Variants in CNBD1 observed in about 807,000 individuals in gnomAD.
CNBD1 encodes the protein cyclic nucleotide-binding domain-containing protein 1.
A neutral mutation model predicts 54.4 loss-of-function variants in CNBD1; 71 were observed. The observed-to-expected ratio is 1.30, with a 90% CI of 1.08 to 1.59. The LOEUF (loss-of-function observed/expected upper bound fraction) is 1.59. Ranked by LOEUF, CNBD1 falls within the 40% of genes most tolerant of loss-of-function variation. CNBD1 has a pLI of 0.00. For synonymous variants in CNBD1, 182 were observed against 170.7 expected, an observed-to-expected ratio of 1.07 and a Z score of -0.51; for missense variants, 659 against 518.0, an observed-to-expected ratio of 1.27 and a Z score of -2.64.
chr8:87,374,081 A>T (rs142838855), intron 10 of CNBD1, among the ~76,000 whole-genome samples: 1 of 151,766 alleles, frequency 6.6e-6, no homozygotes, highest in African/African-American at 2.4e-5. Flanking sequence ...AATCCCCTAA[A>T]AAATTCCTTA....
At chr8:86,975,269 T>C (rs1808315222) in intron 4 of CNBD1, among the ~76,000 whole-genome samples, 1 of 152,018 alleles carries the variant, frequency 6.6e-6, no homozygotes, top group Non-Finnish European at 1.5e-5. Flanking sequence ...CCACTCTTTT[T>C]AGCAATTTAA....
chr8:87,399,726 T>C (rs533757928), intron 2 of CNBD1, among the ~76,000 whole-genome samples: 1 of 151,908 alleles, frequency 6.6e-6, no homozygotes, highest in Non-Finnish European at 1.5e-5. Flanking sequence ...TATTTAGCAG[T>C]GGGGCATTAT....
At chr8:87,256,007 A>ATTTTTTTT (rs1808011117) in intron 6 of CNBD1, among the ~76,000 whole-genome samples, 1 of 19,802 alleles carries the variant, frequency 5.0e-5, no homozygotes, top group Non-Finnish European at 8.1e-5. Context: ...ATATATATAT[A>ATTTTTTTT]TATATATATT....
intron 2 of CNBD1, among the ~76,000 whole-genome samples, chr8:87,425,096 C>G (rs1808021554): frequency 6.6e-6 from 1 of 152,130 alleles, no homozygotes; most frequent in Non-Finnish European, 1.5e-5. Flanking sequence ...GATACCCTTT[C>G]TTCCAGTTGA....
At chr8:86,965,660 G>A (rs778971605) in intron 4 of CNBD1, among the ~76,000 whole-genome samples, 1 of 152,100 alleles carries the variant, frequency 6.6e-6, no homozygotes, top group Admixed American at 6.5e-5. Context: ...CGGGATCTTT[G>A]GGGGGTGGAT....
intron 2 of CNBD1, among the ~76,000 whole-genome samples, chr8:87,394,903 G>A (rs905589414): frequency 2.6e-5 from 4 of 151,698 alleles, no homozygotes; most frequent in Admixed American, 1.3e-4. Flanking sequence ...CCAAAATAAA[G>A]CAAAGCAAGA....
chr8:87,083,975 G>A (rs936267334), intron 4 of CNBD1, among the ~76,000 whole-genome samples: 1 of 152,086 alleles, frequency 6.6e-6, no homozygotes, highest in Non-Finnish European at 1.5e-5. Context: ...ACCACCTTGG[G>A]CACATGTTCT....
intron 5 of CNBD1, among the ~76,000 whole-genome samples, chr8:87,222,553 A>T (rs773103295): frequency 6.6e-6 from 1 of 152,140 alleles, no homozygotes; most frequent in East Asian, 1.9e-4. Context: ...ACTCAATTTT[A>T]TAGGGCAAGG....
At chr8:87,279,961 A>G (rs1246382802) in intron 6 of CNBD1, among the ~76,000 whole-genome samples, 2 of 151,548 alleles carry the variant, frequency 1.3e-5, no homozygotes, top group Non-Finnish European at 3.0e-5. Flanking sequence ...TATTCATATT[A>G]TCCTGAAAGA....
intron 8 of CNBD1, among the ~76,000 whole-genome samples, chr8:87,335,111 G>A (rs754079652): frequency 1.4e-4 from 21 of 152,098 alleles, no homozygotes; most frequent in South Asian, 2.1e-4. Flanking sequence ...GCTGAGGAGC[G>A]TTTTACTTCC....
At chr8:86,888,507 T>G (rs1003411796) in intron 2 of CNBD1, among the ~76,000 whole-genome samples, 3 of 152,164 alleles carry the variant, frequency 2.0e-5, no homozygotes, top group Admixed American at 6.6e-5. Flanking sequence ...GACTTTAGAC[T>G]GCTTACTACA....
intron 4 of CNBD1, among the ~76,000 whole-genome samples, chr8:86,995,709 TGTGA>T (rs916903476): frequency 8.6e-5 from 13 of 150,784 alleles, no homozygotes; most frequent in Admixed American, 1.3e-4. Context: ...TGTGTGTGTG[TGTGA>T]GAGAGAGAGA....
intron 4 of CNBD1, among the ~76,000 whole-genome samples, chr8:87,169,415 G>T (rs1813038865): frequency 6.6e-6 from 1 of 151,978 alleles, no homozygotes; most frequent in African/African-American, 2.4e-5. Flanking sequence ...AACTTGATGT[G>T]ATTCCGTTTG....
chr8:87,143,834 T>C (rs988063282), intron 4 of CNBD1, among the ~76,000 whole-genome samples: 1 of 152,160 alleles, frequency 6.6e-6, no homozygotes, highest in Non-Finnish European at 1.5e-5. Context: ...ATCTTTTATA[T>C]GTAATTTTTA....
chr8:87,263,495 A>T (rs1299626225), intron 6 of CNBD1, among the ~76,000 whole-genome samples: 3 of 152,204 alleles, frequency 2.0e-5, no homozygotes, highest in Non-Finnish European at 4.4e-5. Context: ...ACATGTAAAT[A>T]AATACACACA....
In CNBD1 at chr8:87,274,797, G is replaced by T. The variant is rs1260792747; in HGVS notation, c.772-9881G>T. On this transcript the variant is annotated intron_variant, in intron 6 of 10. Transcript: ENST00000518476. ...AATTAGATCCCATTTGTCAATTTTG[G>T]CTTTTGTTGCCATTGCTTTTGATAT... 1.6e-4 allele frequency among the ~76,000 whole-genome samples: 21 copies of T among 134,478 alleles called. 5 individuals are homozygous for T. Among genetic ancestry groups the T allele is most frequent in the East Asian group, 4.1e-4 (2 of 4,916 alleles). 88.2% of individuals were successfully genotyped at this position (134,478 alleles called of 152,430 possible).
chr8:87,370,900 T>A (rs1810772164), intron 10 of CNBD1, among the ~76,000 whole-genome samples: 2 of 151,382 alleles, frequency 1.3e-5, no homozygotes. Flanking sequence ...GAATTAATTT[T>A]TGTATAAGGT....
At chr8:87,170,166 C>T (rs1813055767) in intron 4 of CNBD1, among the ~76,000 whole-genome samples, 1 of 151,932 alleles carries the variant, frequency 6.6e-6, no homozygotes, top group Non-Finnish European at 1.5e-5. Context: ...TTATTTGTAG[C>T]TATTGTAAAT....
chr8:87,266,112 C>A (rs549740108), intron 6 of CNBD1, among the ~76,000 whole-genome samples: 2 of 152,008 alleles, frequency 1.3e-5, no homozygotes, highest in East Asian at 3.9e-4. Flanking sequence ...AAATTACATT[C>A]ATGAACAGAA....
Sources: allele counts gnomAD v4.1 joint callset (sites outside exome capture counted in the v4.1 genomes callset), GRCh38; gene constraint gnomAD v4.1.1; transcripts MANE v1.5; gene names NCBI Gene and HGNC (gene_info 2026-07-23, HGNC 2026-07-21).